Variants in GAB2 observed in about 807,000 individuals in gnomAD.
The protein encoded by GAB2 is GRB2-associated-binding protein 2.
In GAB2, 26 loss-of-function variants were observed where a neutral mutation model predicts 65.5. That is an observed-to-expected ratio of 0.40 (90% CI 0.29 to 0.55). The LOEUF (loss-of-function observed/expected upper bound fraction) is 0.55, where lower values mean the gene tolerates loss of function less well. GAB2 is among the 20% of genes least tolerant of loss of function. The pLI, the probability that GAB2 is intolerant of heterozygous loss-of-function variation, is 0.53. For missense variants in GAB2, 884 were observed against 875.8 expected (o/e 1.01, Z -0.12); for synonymous variants, 321 against 329.6 (o/e 0.97, Z 0.28).
chr11:78,382,899 A>G (rs1221762506), intron 1 of GAB2, among the ~76,000 whole-genome samples: 1 of 152,206 alleles, frequency 6.6e-6, no homozygotes, highest in Non-Finnish European at 1.5e-5. Flanking sequence ...TTTACTCATG[A>G]TAGAGGTTCT....
intron 1 of GAB2, among the ~76,000 whole-genome samples, chr11:78,307,884 G>T (rs1185484068): frequency 6.6e-6 from 1 of 152,108 alleles, no homozygotes; most frequent in Non-Finnish European, 1.5e-5. Flanking sequence ...TGTCTTTGAG[G>T]GTGTTTCTGG....
intron 1 of GAB2, among the ~76,000 whole-genome samples, chr11:78,401,534 G>GTT (rs1201044158): frequency 6.8e-6 from 1 of 146,672 alleles, no homozygotes; most frequent in Non-Finnish European, 1.5e-5. Flanking sequence ...GTGTGTGTGT[G>GTT]TGTGTGTGTG....
chr11:78,232,086 A>C (rs184412016), intron 3 of GAB2, among the ~76,000 whole-genome samples: 2 of 152,354 alleles, frequency 1.3e-5, no homozygotes, highest in East Asian at 3.9e-4. Flanking sequence ...TTACAGAGCA[A>C]AGCTGTATAT....
chr11:78,363,066 G>C (rs770813289), intron 1 of GAB2, among the ~76,000 whole-genome samples: 2 of 152,090 alleles, frequency 1.3e-5, no homozygotes, highest in African/African-American at 4.8e-5. Context: ...AAAAAGATGA[G>C]GCTCCTTTTG....
intron 3 of GAB2, among the ~76,000 whole-genome samples, chr11:78,232,990 A>G (rs1211633598): frequency 6.6e-6 from 1 of 151,810 alleles, no homozygotes; most frequent in Non-Finnish European, 1.5e-5. Context: ...GTTAGAGGAA[A>G]CACAGGATTA....
chr11:78,409,994 G>T (rs1857105978), intron 1 of GAB2, among the ~76,000 whole-genome samples: 1 of 151,958 alleles, frequency 6.6e-6, no homozygotes, highest in Admixed American at 6.5e-5. Context: ...CCAAACATTT[G>T]GAAACTAAAC....
intron 2 of GAB2, among the ~76,000 whole-genome samples, chr11:78,265,826 C>T (rs1231717246): frequency 6.6e-6 from 1 of 152,148 alleles, no homozygotes; most frequent in Admixed American, 6.5e-5. Context: ...TTCTCCCCAA[C>T]AGTGAATTTC....
At chr11:78,294,000 T>C (rs547096024) in intron 1 of GAB2, among the ~76,000 whole-genome samples, 58 of 152,270 alleles carry the variant, frequency 3.8e-4, no homozygotes, top group Middle Eastern at 3.4e-3. Context: ...ATGTGCCATG[T>C]TGGTGTGCTG....
At chr11:78,399,515 C>T (rs1248767458) in intron 1 of GAB2, among the ~76,000 whole-genome samples, 1 of 152,226 alleles carries the variant, frequency 6.6e-6, no homozygotes, top group African/African-American at 2.4e-5. Flanking sequence ...GTCATAGCTT[C>T]AGACAAATCC....
chr11:78,365,482 G>A (rs1856484675), intron 1 of GAB2, among the ~76,000 whole-genome samples: 1 of 152,176 alleles, frequency 6.6e-6, no homozygotes, highest in Non-Finnish European at 1.5e-5. Flanking sequence ...TGGCATTCCT[G>A]GTATGCAGGG....
At chr11:78,274,180 G>A (rs888686333) in intron 2 of GAB2, among the ~76,000 whole-genome samples, 1 of 152,150 alleles carries the variant, frequency 6.6e-6, no homozygotes. Flanking sequence ...AGGCTGAGGT[G>A]GGAGGATCAC....
At chr11:78,300,700 T>TG (rs1866989683) in intron 1 of GAB2, among the ~76,000 whole-genome samples, 1 of 142,316 alleles carries the variant, frequency 7.0e-6, no homozygotes, top group Non-Finnish European at 1.5e-5. Context: ...TTTTTGTTTT[T>TG]TTTTTTTTTT....
intron 1 of GAB2, among the ~76,000 whole-genome samples, chr11:78,375,019 T>C (rs925574818): frequency 2.0e-5 from 3 of 152,210 alleles, no homozygotes; most frequent in Admixed American, 1.3e-4. Context: ...CTGCACACTT[T>C]GCAATCTTTG....
At chr11:78,221,314 G>C (rs1864413031) in intron 8 of GAB2, among the ~76,000 whole-genome samples, 1 of 152,202 alleles carries the variant, frequency 6.6e-6, no homozygotes, top group Non-Finnish European at 1.5e-5. Context: ...ACCAAAGTGA[G>C]TTATGTGCAC....
At chr11:78,365,905 G>A (rs1856490288) in intron 1 of GAB2, among the ~76,000 whole-genome samples, 1 of 152,178 alleles carries the variant, frequency 6.6e-6, no homozygotes, top group Non-Finnish European at 1.5e-5. Context: ...TCAGAATTTC[G>A]TGAATATTCA....
At chr11:78,304,416 G>A (rs766248003) in intron 1 of GAB2, among the ~76,000 whole-genome samples, 3 of 152,090 alleles carry the variant, frequency 2.0e-5, no homozygotes, top group Admixed American at 6.5e-5. Flanking sequence ...ACCTTTTAAT[G>A]GTATAGGATC....
At chr11:78,235,499 T>C (rs1053166057) in intron 3 of GAB2, among the ~76,000 whole-genome samples, 2 of 152,248 alleles carry the variant, frequency 1.3e-5, no homozygotes, top group South Asian at 4.1e-4. Context: ...TTTCCGAACA[T>C]TTATGCTCTG....
intron 1 of GAB2, among the ~76,000 whole-genome samples, chr11:78,361,489 G>C (rs772809212): frequency 3.3e-5 from 5 of 150,446 alleles, no homozygotes; most frequent in African/African-American, 1.3e-4. Context: ...TAAATATTTC[G>C]CTAAAATTCA....
chr11:78,376,122 G>A (rs143124266), intron 1 of GAB2, among the ~76,000 whole-genome samples: 6 of 152,320 alleles, frequency 3.9e-5, no homozygotes, highest in Non-Finnish European at 8.8e-5. Flanking sequence ...GATAGGCAGG[G>A]AGACTGTTTC....
Sources: allele counts gnomAD v4.1 joint callset (sites outside exome capture counted in the v4.1 genomes callset), GRCh38; gene constraint gnomAD v4.1.1; transcripts MANE v1.5; gene names NCBI Gene and HGNC (gene_info 2026-07-23, HGNC 2026-07-21).